FAM124B: variants seen among roughly 807,000 people sequenced by gnomAD.
The protein encoded by FAM124B is protein FAM124B.
In FAM124B, 18 loss-of-function variants were observed where a neutral mutation model predicts 19.7. That is an observed-to-expected ratio of 0.92 (90% confidence interval 0.63 to 1.36). The LOEUF is 1.36. Among genes scored for constraint, FAM124B ranks in the 40% most tolerant of loss-of-function variants. The pLI is 0.00. For synonymous variants in FAM124B, 223 were observed against 225.2 expected (o/e 0.99, Z 0.09); for missense variants, 540 against 553.3 (o/e 0.98, Z 0.24).
intron 1 of FAM124B, among the ~76,000 whole-genome samples, chr2:224,395,064 T>C (rs1689948908): frequency 6.6e-6 from 1 of 152,196 alleles, no homozygotes; most frequent in Non-Finnish European, 1.5e-5. Context: ...ATTTAATTTA[T>C]AAAGTTTGCC....
Position 224,379,011 on chromosome 2 carries a change from A to C in FAM124B, c.*562T>G, listed in dbSNP as rs369926430. 6.5e-6 allele frequency: 1 copy of C among 152,798 alleles called. No individual in the cohort carries two copies. Among genetic ancestry groups the C allele is most frequent in the East Asian group, 1.9e-4 (1 of 5,198 alleles). 9.5% of individuals were successfully genotyped at this position (152,798 alleles called of 1,614,324 possible). A position where few individuals can be genotyped will look rare whatever the true frequency, so the allele number is the denominator to read the frequency against. ...GCTCATTAAACAGGAAAACAAAATT[A>C]ACTGTTTATAATTTTCAAAACACTT... is the stretch of plus-strand genomic sequence containing the variant. On this transcript the variant is annotated 3_prime_UTR_variant, in exon 2 of 2. Transcript: ENST00000409685.
At chr2:224,398,981 AC>A (rs1305519268) in intron 1 of FAM124B, among the ~76,000 whole-genome samples, 1 of 152,198 alleles carries the variant, frequency 6.6e-6, no homozygotes, top group Admixed American at 6.5e-5. Flanking sequence ...TGTCTCAAAA[AC>A]AAAAGAGTGA....
At chr2:224,395,699 C>T (rs571842682) in intron 1 of FAM124B, among the ~76,000 whole-genome samples, 1 of 152,330 alleles carries the variant, frequency 6.6e-6, no homozygotes, top group Admixed American at 6.5e-5. Context: ...CTCATACATT[C>T]ATTTACTGAA....
Position 224,401,807 on chromosome 2 carries a change from G to C in FAM124B, c.-39C>G. 1 of 1,578,304 alleles carries C rather than the reference G, an allele frequency of 6.3e-7. No individual in the cohort carries two copies. Among genetic ancestry groups the C allele is most frequent in the Non-Finnish European group, 8.6e-7 (1 of 1,162,648 alleles). On this transcript the variant is annotated 5_prime_UTR_variant, in exon 1 of 2. Transcript: ENST00000409685. ...GAGGCTGACAAAGACAGCGTGTGTAGAAGGCCCACTGTTCAAGTTTCTGAA... is the reference window on the plus strand; with the variant it reads ...GAGGCTGACAAAGACAGCGTGTGTACAAGGCCCACTGTTCAAGTTTCTGAA...
chr2:224,394,957 C>T (rs192000916), intron 1 of FAM124B, among the ~76,000 whole-genome samples: 4 of 152,204 alleles, frequency 2.6e-5, no homozygotes, highest in Admixed American at 2.0e-4. Context: ...AGAACACCCA[C>T]CCAAAGGCTA....
At chr2:224,381,601 T>C (rs1689718511) in intron 1 of FAM124B, among the ~76,000 whole-genome samples, 1 of 152,124 alleles carries the variant, frequency 6.6e-6, no homozygotes, top group Admixed American at 6.5e-5. Context: ...GATACTGTAA[T>C]GGTGGATGCA....
intron 1 of FAM124B, among the ~76,000 whole-genome samples, chr2:224,398,065 T>C (rs1373677656): frequency 6.6e-6 from 1 of 152,152 alleles, no homozygotes; most frequent in Admixed American, 6.5e-5. Flanking sequence ...CTTTCTTTTG[T>C]AAATTTCCCA....
intron 1 of FAM124B, among the ~76,000 whole-genome samples, chr2:224,398,626 G>A (rs1169056593): frequency 6.6e-6 from 1 of 152,180 alleles, no homozygotes; most frequent in Non-Finnish European, 1.5e-5. Flanking sequence ...GAGTGAGGAA[G>A]CAGAAGTCTC....
At chr2:224,380,613 G>T in intron 1 of FAM124B, among the ~76,000 whole-genome samples, 1 of 152,196 alleles carries the variant, frequency 6.6e-6, no homozygotes, top group East Asian at 1.9e-4. Flanking sequence ...AAACCATGTG[G>T]TTAAAGTTAA....
At chr2:224,394,130 C>T (rs1350287023) in intron 1 of FAM124B, among the ~76,000 whole-genome samples, 1 of 152,194 alleles carries the variant, frequency 6.6e-6, no homozygotes, top group African/African-American at 2.4e-5. Context: ...TGCTTCTTCT[C>T]AGCGTCTCTC....
Position 224,401,716 on chromosome 2 carries a change from G to C in FAM124B, c.53C>G (p.Ser18Cys). The change falls in exon 1 of 2, where the codon TCT (serine) becomes TGT (cysteine). Residue 18 changes from serine (S) to cysteine (C), a missense_variant. Ser to Cys is a moderately radical substitution (Grantham distance 112). Transcript: ENST00000409685. ...CCTCTGCAGAAGGGAGCCGTGCCCA[G>C]AGTTGGCAAGAAGATGGACAGTCAT... ...LAMTVHLLAN[S>C]GHGSLLQRTL... 1 of 1,614,154 alleles carries C rather than the reference G, an allele frequency of 6.2e-7. No individual in the cohort carries two copies. The highest frequency in any genetic ancestry group is 8.5e-7 in the Non-Finnish European group (1 of 1,180,054).
rs767671083 is a variant in FAM124B, at chr2:224,401,669, A to T, written c.100T>A (p.Cys34Ser). ...LQRTLDQLLDCICPEVRLFQV... is the reference protein window; with the variant it reads ...LQRTLDQLLDSICPEVRLFQV... ...AAGAGCCGGACCTCTGGGCAAATGC[A>T]ATCCAGGAGCTGGTCCAGAGTCCTC... The change falls in exon 1 of 2, where the codon TGC becomes AGC. Residue 34 changes from cysteine to serine, a missense_variant. Transcript: ENST00000409685. 2 of 1,614,202 alleles carry T rather than the reference A, an allele frequency of 1.2e-6. No homozygotes were observed. Among genetic ancestry groups the T allele is most frequent in the South Asian group, 2.2e-5 (2 of 91,084 alleles).
At chr2:224,380,289 C>T (rs577460198) in intron 1 of FAM124B, 81 bp from the exon 2 acceptor site, 24 of 1,261,202 alleles carry the variant, frequency 1.9e-5, no homozygotes, top group East Asian at 1.5e-4. Flanking sequence ...CTTATTCACC[C>T]TCTGCCATGC....
Position 224,399,255 on chromosome 2 carries a change from A to T in FAM124B, c.732+1782T>A, listed in dbSNP as rs192426680. 2.6e-5 allele frequency among the ~76,000 whole-genome samples: 4 copies of T among 152,296 alleles called. No homozygotes were observed. In the East Asian group the frequency reaches 7.7e-4, roughly 29 times the overall value. On this transcript the variant is annotated intron_variant, in intron 1 of 1. Transcript: ENST00000409685. ...ACACACATTACATTTTTGTTTGACC[A>T]TGAGGTTGATTTTAAGTACTAGAGA... is the stretch of plus-strand genomic sequence containing the variant.
chr2:224,380,600 A>G (rs943981162), intron 1 of FAM124B, among the ~76,000 whole-genome samples: 40 of 152,230 alleles, frequency 2.6e-4, no homozygotes, highest in Admixed American at 1.3e-4. Flanking sequence ...TTAGAAAGCC[A>G]CCAAACCATG....
rs200219874 is a variant in FAM124B at position 224,401,772 on chromosome 2, G to T, written c.-4C>A. The T allele has an allele frequency of 3.1e-6, 5 of 1,608,744 alleles. No individual in the cohort carries two copies. In the East Asian group the frequency reaches 1.1e-4, roughly 36 times the overall value. On this transcript the variant is annotated 5_prime_UTR_variant, in exon 1 of 2. Coordinates refer to ENST00000409685, the MANE Select transcript of FAM124B (RefSeq NM_001122779.2). The stretch of plus-strand genomic sequence containing the variant: ...GAGGCCCCTGTGTCTCATCCATGGA[G>T]GAACTGCCTGAGGCTGACAAAGACA...
At chr2:224,388,690 C>T (rs1689836336) in intron 1 of FAM124B, among the ~76,000 whole-genome samples, 1 of 152,134 alleles carries the variant, frequency 6.6e-6, no homozygotes, top group South Asian at 2.1e-4. Context: ...CTGAATCGTA[C>T]CCTCGAAAAA....
At position 224,401,785 on chromosome 2, in the gene FAM124B, G is replaced by C; in HGVS notation, c.-17C>G. On this transcript the variant is annotated 5_prime_UTR_variant, in exon 1 of 2. Transcript: ENST00000409685. ...CTCATCCATGGAGGAACTGCCTGAG[G>C]CTGACAAAGACAGCGTGTGTAGAAG... 1 of 1,601,036 alleles carries C rather than the reference G, an allele frequency of 6.2e-7. No individual in the cohort carries two copies. Among genetic ancestry groups the C allele is most frequent in the African/African-American group, 1.3e-5 (1 of 74,440 alleles).
rs780468033 is a variant in FAM124B at position 224,401,604 on chromosome 2, T to C, written c.165A>G (p.Glu55=). ...ACCGGGACCGCTTGGAATGGGACTTTTCACAGTATTTCACAGGACTGGCCC... is the reference window on the plus strand; with the variant it reads ...ACCGGGACCGCTTGGAATGGGACTTCTCACAGTATTTCACAGGACTGGCCC... ...SERASPVKYC[E]KSHSKRSRFP... The change falls in exon 1 of 2, where the codon GAA becomes GAG. Residue 55 remains glutamate (E), a synonymous_variant. Transcript: ENST00000409685. The C allele has an allele frequency of 6.2e-7, 1 of 1,614,146 alleles. No individual in the cohort carries two copies. The highest frequency in any genetic ancestry group is 2.2e-5 in the East Asian group (1 of 44,870).
Sources: allele counts gnomAD v4.1 joint callset (sites outside exome capture counted in the v4.1 genomes callset), GRCh38; gene constraint gnomAD v4.1.1; transcripts MANE v1.5; gene names NCBI Gene and HGNC (gene_info 2026-07-23, HGNC 2026-07-21).